The following CYRIB variants were observed in gnomAD, a reference collection of about 807,000 sequenced individuals.
CYRIB encodes CYFIP-related Rac1 interactor B.
In CYRIB, 8 loss-of-function variants were observed where a neutral mutation model predicts 44.2. That is an observed-to-expected ratio of 0.18 (90% CI 0.11 to 0.33). The LOEUF is 0.33. Among genes scored for constraint, CYRIB ranks in the 10% least tolerant of loss-of-function variants. CYRIB has a pLI of 1.00. For synonymous variants in CYRIB, 131 were observed against 127.2 expected (o/e 1.03, Z -0.20); for missense variants, 185 against 382.8 (o/e 0.48, Z 4.31).
chr8:129,944,982 T>C (rs2131049288), intron 2 of CYRIB, among the ~76,000 whole-genome samples: 1 of 152,314 alleles, frequency 6.6e-6, no homozygotes, highest in Admixed American at 6.5e-5. Context: ...CCTACATGGC[T>C]GGTTTACCCT....
intron 2 of CYRIB, among the ~76,000 whole-genome samples, chr8:129,947,330 G>A (rs923604079): frequency 8.5e-5 from 13 of 152,110 alleles, no homozygotes; most frequent in African/African-American, 3.1e-4. Context: ...AAAATGTTGG[G>A]ATTACAGGTG....
At chr8:129,992,303 AAAT>A (rs1316925506) in intron 1 of CYRIB, among the ~76,000 whole-genome samples, 1 of 152,190 alleles carries the variant, frequency 6.6e-6, no homozygotes, top group Non-Finnish European at 1.5e-5. Context: ...CAAAAAATAA[AAAT>A]AAAAAATAAA....
intron 2 of CYRIB, among the ~76,000 whole-genome samples, chr8:129,884,920 G>C (rs1389864693): frequency 6.6e-6 from 1 of 152,108 alleles, no homozygotes; most frequent in Non-Finnish European, 1.5e-5. Flanking sequence ...ATCTGGAAAG[G>C]AACACGCCCT....
At chr8:129,948,607 C>G (rs1311053832) in intron 2 of CYRIB, 1 of 152,212 alleles carries the variant, frequency 6.6e-6, no homozygotes, top group Admixed American at 6.6e-5. Context: ...GCCATAAAAT[C>G]ATAGATGGCT....
At chr8:129,933,474 G>C (rs544234129) in intron 1 of CYRIB, among the ~76,000 whole-genome samples, 1 of 152,156 alleles carries the variant, frequency 6.6e-6, no homozygotes, top group Non-Finnish European at 1.5e-5. Flanking sequence ...TAAGCTAATA[G>C]GGTCTGGACA....
intron 1 of CYRIB, among the ~76,000 whole-genome samples, chr8:129,917,110 T>C (rs1487225229): frequency 2.0e-5 from 3 of 152,218 alleles, no homozygotes; most frequent in Non-Finnish European, 4.4e-5. Flanking sequence ...GCAACACAGA[T>C]CAAATATCCA....
At chr8:129,990,508 G>C (rs1303559778) in intron 1 of CYRIB, among the ~76,000 whole-genome samples, 3 of 151,536 alleles carry the variant, frequency 2.0e-5, no homozygotes, top group Non-Finnish European at 2.9e-5. Context: ...GTGTGTGTGT[G>C]TGTGTGTGTG....
At chr8:129,902,443 C>T (rs148766529) in intron 2 of CYRIB, among the ~76,000 whole-genome samples, 2,510 of 152,278 alleles carry the variant, frequency 0.016, 60 homozygotes, top group African/African-American at 0.053. Context: ...TGGTCTTGAA[C>T]TCCTGACCTC....
chr8:129,947,976 A>C (rs968987833), intron 2 of CYRIB: 1 of 152,222 alleles, frequency 6.6e-6, no homozygotes, highest in Non-Finnish European at 1.5e-5. Context: ...AAAATGCTTT[A>C]TTCCAGCACT....
intron 1 of CYRIB, among the ~76,000 whole-genome samples, chr8:129,986,039 C>T (rs1223737701): frequency 1.3e-5 from 2 of 152,178 alleles, no homozygotes; most frequent in Non-Finnish European, 1.5e-5. Flanking sequence ...CCAGACCTCC[C>T]CCAGGATGCA....
chr8:129,954,381 C>T (rs1272890402), intron 2 of CYRIB, among the ~76,000 whole-genome samples: 3 of 152,074 alleles, frequency 2.0e-5, no homozygotes, highest in Admixed American at 6.6e-5. Context: ...GGCCACAATG[C>T]CCGGCTGATT....
In CYRIB at chr8:130,001,325, G is replaced by A. The variant is rs575011703; in HGVS notation, c.-296+15045C>T. On this transcript the variant is annotated intron_variant, in intron 1 of 14. Coordinates refer to the CYRIB transcript ENST00000401979. ...ATCCTTGCTCCCTGGACGTCCAGGA[G>A]GCAGGAGCAGAGAGATTGGTCAGGT... Among the ~76,000 whole-genome samples, 8 of 152,182 alleles carry A rather than the reference G, an allele frequency of 5.3e-5. No homozygotes were observed. In the South Asian group the frequency reaches 1.7e-3, roughly 32 times the overall value.
chr8:129,886,222 G>T (rs1026857424), intron 2 of CYRIB, among the ~76,000 whole-genome samples: 1 of 152,102 alleles, frequency 6.6e-6, no homozygotes, highest in Admixed American at 6.5e-5. Flanking sequence ...CAATAAACCT[G>T]TGCCTGTCAA....
At chr8:129,902,689 G>A (rs1313768480) in intron 2 of CYRIB, among the ~76,000 whole-genome samples, 1 of 152,032 alleles carries the variant, frequency 6.6e-6, no homozygotes, top group Non-Finnish European at 1.5e-5. Context: ...AGAAGAACAC[G>A]GAAAGGGATT....
chr8:129,906,981 A>AACACTTTT (rs1407221387), intron 1 of CYRIB, among the ~76,000 whole-genome samples: 2 of 152,218 alleles, frequency 1.3e-5, no homozygotes, highest in African/African-American at 2.4e-5. Flanking sequence ...GAGAAACAGG[A>AACACTTTT]ACACTTTTAC....
At chr8:129,962,572 G>A (rs555527662) in intron 2 of CYRIB, among the ~76,000 whole-genome samples, 1 of 152,016 alleles carries the variant, frequency 6.6e-6, no homozygotes, top group African/African-American at 2.4e-5. Context: ...TGCCCTTTAC[G>A]TTTGGAAACA....
intron 1 of CYRIB, among the ~76,000 whole-genome samples, chr8:129,988,258 G>A (rs1408846154): frequency 6.6e-6 from 1 of 152,152 alleles, no homozygotes; most frequent in African/African-American, 2.4e-5. Context: ...TCTTCCGGCC[G>A]GCTCTCTTCC....
intron 2 of CYRIB, among the ~76,000 whole-genome samples, chr8:129,950,391 A>C (rs1590953150): frequency 6.6e-6 from 1 of 152,138 alleles, no homozygotes; most frequent in African/African-American, 2.4e-5. Context: ...CCAGCATGGC[A>C]AAAGCCCATC....
chr8:129,977,268 C>G (rs893785013), intron 1 of CYRIB, among the ~76,000 whole-genome samples: 11 of 152,268 alleles, frequency 7.2e-5, no homozygotes, highest in South Asian at 2.1e-4. Flanking sequence ...GGAAGCTGGG[C>G]CATGTTCAGC....
Sources: gnomAD v4.1 joint callset for allele counts (sites outside exome capture counted in the v4.1 genomes callset) on GRCh38, gnomAD v4.1.1 for gene constraint, MANE v1.5 for transcripts, NCBI Gene and HGNC (gene_info 2026-07-23, HGNC 2026-07-21) for gene names.